The following HEXA variants were observed in gnomAD, a reference collection of about 807,000 sequenced individuals.
The protein encoded by HEXA is hexosaminidase subunit alpha.
HEXA carries 54 observed loss-of-function variants against 73.3 expected under a neutral mutation model. The ratio of observed to expected loss-of-function variants is 0.74; its 90% confidence interval spans 0.59 to 0.92. The LOEUF is 0.92. Among genes scored for constraint, HEXA ranks in the 40% least tolerant of loss-of-function variants. The pLI is 0.00. For synonymous variants in HEXA, 230 were observed against 246.9 expected (o/e 0.93, Z 0.64); for missense variants, 649 against 653.0 (o/e 0.99, Z 0.07).
intron 7 of HEXA, 73 bp downstream of exon 7, chr15:72,350,445 A>T (rs971814349): frequency 3.9e-6 from 6 of 1,519,630 alleles, no homozygotes; most frequent in African/African-American, 2.7e-5. Context: ...TGCCACTTCC[A>T]TGAGCCAGTG....
intron 12 of HEXA, chr15:72,346,016 C>T (rs988734287): frequency 8.4e-6 from 5 of 598,584 alleles, no homozygotes; most frequent in South Asian, 2.0e-5. Flanking sequence ...TTAACAATCC[C>T]TATCCCACAT....
rs548496972 is a variant in HEXA at position 72,346,409 on chromosome 15, A to G, written c.1331-84T>C. 27 of 1,484,990 alleles carry G rather than the reference A, an allele frequency of 1.8e-5. 1 individual carries two copies. The highest frequency in any genetic ancestry group is 3.4e-4 in the Middle Eastern group (2 of 5,812). 92.0% of individuals were successfully genotyped at this position (1,484,990 alleles called of 1,614,324 possible). A position where few individuals can be genotyped will look rare whatever the true frequency, so the allele number is the denominator to read the frequency against. On this transcript the variant is annotated intron_variant, in intron 11 of 13. Transcript: ENST00000268097. Reference sequence around the variant, plus strand: ...CAACCACCTTCCCAATGTGGCCCTCACCCCAGCTAAGTTGTTTCATTTACT... The same window carrying G: ...CAACCACCTTCCCAATGTGGCCCTCGCCCCAGCTAAGTTGTTTCATTTACT...
intron 1 of HEXA, among the ~76,000 whole-genome samples, chr15:72,374,992 C>G (rs2140343517): frequency 6.6e-6 from 1 of 152,202 alleles, no homozygotes; most frequent in Middle Eastern, 3.4e-3. Flanking sequence ...TTACATCTAC[C>G]ATCCCATTCC....
chr15:72,345,291 CTT>C, intron 13 of HEXA, 153 bp downstream of exon 13: 1 of 1,404,528 alleles, frequency 7.1e-7, no homozygotes, highest in Non-Finnish European at 9.5e-7. Flanking sequence ...TTCCTGAATA[CTT>C]TTTATCGCAG....
chr15:72,351,597 T>C, intron 5 of HEXA: 1 of 350,276 alleles, frequency 2.9e-6, no homozygotes, highest in Non-Finnish European at 5.5e-6. Flanking sequence ...TTGTGTTCGG[T>C]TGTCTGACTG....
At chr15:72,345,355 T>C (rs2088596002) in intron 13 of HEXA, 91 bp downstream of exon 13, 1 of 1,576,180 alleles carries the variant, frequency 6.3e-7, no homozygotes. Context: ...AAGTGTTAGC[T>C]ATTGTTAATT....
intron 3 of HEXA, chr15:72,354,419 G>A (rs930844010): frequency 6.6e-6 from 1 of 152,426 alleles, no homozygotes; most frequent in East Asian, 1.9e-4. Context: ...GTTCTCAACA[G>A]CTGGGGCCCC....
At chr15:72,370,731 C>T in intron 1 of HEXA, 2 of 231,314 alleles carry the variant, frequency 8.6e-6, no homozygotes, top group East Asian at 1.4e-4. Context: ...AAGAAAAAAA[C>T]AGGGCTGTGA....
intron 1 of HEXA, among the ~76,000 whole-genome samples, chr15:72,367,171 G>A (rs987787845): frequency 2.0e-5 from 3 of 152,182 alleles, no homozygotes; most frequent in Admixed American, 6.5e-5. Context: ...TCGAACTCTC[G>A]ACCTCAGGTA....
rs2088724566 is a variant in HEXA, at chr15:72,353,159, T to A, written c.479A>T (p.Glu160Val). 1 of 1,610,470 alleles carries A rather than the reference T, an allele frequency of 6.2e-7. No homozygotes were observed. The highest frequency in any genetic ancestry group is 8.5e-7 in the Non-Finnish European group (1 of 1,176,780). Residue 160 changes from glutamate to valine, a missense_variant, in exon 5 of 14, where the codon GAG (glutamate) becomes GTG (valine). By Grantham distance (121) the Glu-to-Val change is moderately radical. Coordinates refer to ENST00000268097, the MANE Select transcript of HEXA (RefSeq NM_000520.6). The stretch of plus-strand genomic sequence containing the variant: ...AGGAAAGCGGGGAAAGTCCTCAATC[T>A]CAGTCTTGTTGATAAAGAACTGTGC... ...AEGTFFINKT[E>V]IEDFPRFPHR...
intron 13 of HEXA, among the ~76,000 whole-genome samples, chr15:72,344,880 G>GT (rs781157427): frequency 6.6e-6 from 1 of 152,222 alleles, no homozygotes; most frequent in East Asian, 1.9e-4. Context: ...ATGACATCCT[G>GT]TAAGTCAGCC....
At chr15:72,365,638 T>C (rs2088906966) in intron 1 of HEXA, among the ~76,000 whole-genome samples, 1 of 152,210 alleles carries the variant, frequency 6.6e-6, no homozygotes, top group South Asian at 2.1e-4. Context: ...TCTTTTATCT[T>C]CAGATCTTTA....
At chr15:72,363,000 C>T (rs1428027620) in intron 1 of HEXA, among the ~76,000 whole-genome samples, 1 of 152,168 alleles carries the variant, frequency 6.6e-6, no homozygotes, top group Non-Finnish European at 1.5e-5. Context: ...TCTTTAATGT[C>T]TACTCTGCTC....
chr15:72,350,711 ACTCAAAAT>A lies in HEXA; in HGVS notation c.673-69_673-62del, dbSNP rs2088683784. ...CCTGAAAGCTAGCAGAGTAGAAGAT[ACTCAAAAT>A]GCCCACAAGACTCCCCAGATATCAG... is the stretch of plus-strand genomic sequence containing the variant. On this transcript the variant is annotated intron_variant, in intron 6 of 13. Coordinates refer to ENST00000268097, the MANE Select transcript of HEXA (RefSeq NM_000520.6). 38 of 1,601,564 alleles carry A rather than the reference ACTCAAAAT, an allele frequency of 2.4e-5. No homozygotes were observed. The East Asian group carries it at 8.5e-4, about 36-fold the overall frequency.
intron 9 of HEXA, 45 bp downstream of exon 9, chr15:72,347,990 GGGAGGACCCCACA>G: frequency 8.1e-7 from 1 of 1,228,440 alleles, no homozygotes; most frequent in South Asian, 1.2e-5. Flanking sequence ...GGTATGGAAA[GGGAGGACCCCACA>G]GGAGGACCCC....
chr15:72,350,704 A>G, intron 6 of HEXA, 54 bp from the exon 7 acceptor site: 1 of 1,609,738 alleles, frequency 6.2e-7, no homozygotes, highest in Non-Finnish European at 8.5e-7. Flanking sequence ...CTAGCAGAGT[A>G]GAAGATACTC....
chr15:72,350,134 C>T, intron 7 of HEXA: 1 of 321,398 alleles, frequency 3.1e-6, no homozygotes, highest in Non-Finnish European at 6.1e-6. Flanking sequence ...GGGGCTCACA[C>T]TGGAGGGCTG....
chr15:72,351,122 C>T lies in HEXA; in HGVS notation c.672+11G>A, dbSNP rs1196402639. On this transcript the variant is annotated intron_variant, in intron 6 of 13. Coordinates refer to ENST00000268097, the MANE Select transcript of HEXA (RefSeq NM_000520.6). ...ACCCATAAACTTGGTCTGAGTGAAACGGGAACATACCTTTCTCATGAGCTC... is the reference window on the plus strand; with the variant it reads ...ACCCATAAACTTGGTCTGAGTGAAATGGGAACATACCTTTCTCATGAGCTC... The T allele has an allele frequency of 1.2e-5, 18 of 1,552,722 alleles. No individual in the cohort carries two copies. The highest frequency in any genetic ancestry group is 1.5e-5 in the Non-Finnish European group (17 of 1,124,152).
At chr15:72,345,336 A>G in intron 13 of HEXA, 110 bp downstream of exon 13, 1 of 1,550,774 alleles carries the variant, frequency 6.4e-7, no homozygotes, top group Non-Finnish European at 8.7e-7. Context: ...GCTGACTATA[A>G]GCCTCTGTAA....
Sources: gnomAD v4.1 joint callset for allele counts (sites outside exome capture counted in the v4.1 genomes callset) on GRCh38, gnomAD v4.1.1 for gene constraint, MANE v1.5 for transcripts, NCBI Gene and HGNC (gene_info 2026-07-23, HGNC 2026-07-21) for gene names.